Variants in POLB observed in about 807,000 individuals in gnomAD.
POLB encodes 5'-dRP lyase.
A neutral mutation model predicts 52.7 loss-of-function variants in POLB; 37 were observed. The ratio of observed to expected loss-of-function variants is 0.70; its 90% CI spans 0.54 to 0.92. The LOEUF (loss-of-function observed/expected upper bound fraction) is 0.92, where lower values mean the gene tolerates loss of function less well. POLB is among the 40% of genes least tolerant of loss of function. POLB has a pLI of 0.00. For missense variants in POLB, 313 were observed against 400.8 expected (o/e 0.78, Z 1.87); for synonymous variants, 138 against 131.3 (o/e 1.05, Z -0.35).
rs142739021 is a variant in POLB at position 42,352,407 on chromosome 8, A to G, written c.321-112A>G. 2.2e-5 allele frequency: 16 copies of G among 743,924 alleles called. 2 individuals carry two copies. Among genetic ancestry groups the G allele is most frequent in the African/African-American group, 2.1e-4 (12 of 57,822 alleles). 46.1% of individuals were successfully genotyped at this position (743,924 alleles called of 1,614,324 possible). A position where few individuals can be genotyped will look rare whatever the true frequency, so the allele number is the denominator to read the frequency against. On this transcript the variant is annotated intron_variant, in intron 5 of 13. Coordinates refer to ENST00000265421, the MANE Select transcript of POLB (RefSeq NM_002690.3). ...AACATTACCAAAGTAGCCATGCAAC[A>G]TTTTAGCAGGTCTTGTTTAGCTTAA...
At chr8:42,348,011 A>G (rs922620753) in intron 3 of POLB, among the ~76,000 whole-genome samples, 1 of 152,156 alleles carries the variant, frequency 6.6e-6, no homozygotes. Context: ...TAAACAAGAC[A>G]CTATATAGTG....
At chr8:42,359,948 TTTTTTTC>T (rs1046860857) in intron 9 of POLB, among the ~76,000 whole-genome samples, 3 of 151,778 alleles carry the variant, frequency 2.0e-5, no homozygotes, top group African/African-American at 7.3e-5. Flanking sequence ...TCTAGTCTTC[TTTTTTTC>T]TTTTTTTTTT....
chr8:42,340,789 C>G (rs1381827897), intron 2 of POLB, among the ~76,000 whole-genome samples: 3 of 152,178 alleles, frequency 2.0e-5, no homozygotes, highest in Non-Finnish European at 4.4e-5. Flanking sequence ...TGATTGTGCT[C>G]CCTCCTTTCC....
chr8:42,363,071 A>G (rs11990332), intron 11 of POLB, among the ~76,000 whole-genome samples: 41,822 of 151,246 alleles, frequency 0.28, 10,136 homozygotes, highest in African/African-American at 0.66. Context: ...TGCGGTGAGC[A>G]TAGATCGTGC....
At chr8:42,344,561 G>A (rs148842018) in intron 2 of POLB, among the ~76,000 whole-genome samples, 1,698 of 152,084 alleles carry the variant, frequency 0.011, 44 homozygotes, top group African/African-American at 0.039. Flanking sequence ...TAGGCCAGGC[G>A]CAGTGGCTCA....
intron 9 of POLB, among the ~76,000 whole-genome samples, chr8:42,360,660 C>T (rs2130834074): frequency 6.6e-6 from 1 of 151,928 alleles, no homozygotes; most frequent in African/African-American, 2.4e-5. Flanking sequence ...GTTTAAATAG[C>T]TGTATATAAC....
At chr8:42,339,336 G>C in intron 2 of POLB, 1 of 472,708 alleles carries the variant, frequency 2.1e-6, no homozygotes, top group Non-Finnish European at 3.8e-6. Flanking sequence ...TAGAAATGCG[G>C]TGTAATTTTA....
intron 11 of POLB, among the ~76,000 whole-genome samples, chr8:42,363,621 G>GT (rs1327230130): frequency 6.8e-6 from 1 of 147,114 alleles, no homozygotes; most frequent in Middle Eastern, 3.4e-3. Context: ...CACACAGTAA[G>GT]TTTTTCCCTA....
At chr8:42,362,502 T>C in intron 10 of POLB, 110 bp from the exon 11 acceptor site, 1 of 704,358 alleles carries the variant, frequency 1.4e-6, no homozygotes, top group African/African-American at 1.8e-5. Context: ...TAGCACAGTC[T>C]CCAGCCTGTG....
At chr8:42,357,270 C>A in intron 8 of POLB, 47 bp downstream of exon 8, 1 of 1,427,826 alleles carries the variant, frequency 7.0e-7, no homozygotes, top group Non-Finnish European at 9.9e-7. Context: ...GAGAGTGTCA[C>A]TTGGTGAAAA....
intron 2 of POLB, among the ~76,000 whole-genome samples, chr8:42,341,144 T>C (rs1440111443): frequency 6.6e-6 from 1 of 152,266 alleles, no homozygotes; most frequent in African/African-American, 2.4e-5. Context: ...GACATTTCTG[T>C]TGATTGTGGC....
chr8:42,368,925 T>C (rs1363510707), intron 11 of POLB: 1 of 168,706 alleles, frequency 5.9e-6, no homozygotes, highest in Non-Finnish European at 1.3e-5. Flanking sequence ...TGTTTTCTTC[T>C]TCCTGCATAA....
chr8:42,351,486 A>G (rs562501077), intron 5 of POLB, among the ~76,000 whole-genome samples: 42 of 152,320 alleles, frequency 2.8e-4, no homozygotes, highest in African/African-American at 9.1e-4. Flanking sequence ...CTGCTTTATT[A>G]TGCTGTAAAC....
intron 9 of POLB, among the ~76,000 whole-genome samples, chr8:42,358,363 G>A (rs1191380856): frequency 6.6e-6 from 1 of 151,964 alleles, no homozygotes; most frequent in African/African-American, 2.4e-5. Flanking sequence ...TTAGCCAAGC[G>A]TAGTGGTGGG....
intron 2 of POLB, chr8:42,339,696 C>G (rs1208150259): frequency 6.6e-6 from 1 of 152,022 alleles, no homozygotes; most frequent in Non-Finnish European, 1.5e-5. Flanking sequence ...ACTACAGGCG[C>G]ACGCCACCAC....
At chr8:42,367,486 T>C (rs1038388483) in intron 11 of POLB, among the ~76,000 whole-genome samples, 4 of 152,184 alleles carry the variant, frequency 2.6e-5, no homozygotes, top group Non-Finnish European at 5.9e-5. Flanking sequence ...ATGAGCAAGA[T>C]ATCTAATGAA....
At chr8:42,361,457 T>A in intron 10 of POLB, 92 bp downstream of exon 10, 3 of 927,906 alleles carry the variant, frequency 3.2e-6, no homozygotes, top group Non-Finnish European at 5.3e-6. Context: ...AGAATAAGTT[T>A]TGTTTTCGCC....
At chr8:42,363,397 G>A (rs1283087197) in intron 11 of POLB, among the ~76,000 whole-genome samples, 1 of 151,484 alleles carries the variant, frequency 6.6e-6, no homozygotes, top group Non-Finnish European at 1.5e-5. Context: ...GCGTGGTGGT[G>A]TGCGCCTGTA....
intron 13 of POLB, 100 bp downstream of exon 13, chr8:42,370,088 T>G (rs1331455267): frequency 6.8e-6 from 6 of 877,164 alleles, no homozygotes; most frequent in Non-Finnish European, 1.1e-5. Flanking sequence ...ACTATGCCAG[T>G]TAGTGTAGTT....
Sources: gnomAD v4.1 joint callset for allele counts (sites outside exome capture counted in the v4.1 genomes callset) on GRCh38, gnomAD v4.1.1 for gene constraint, MANE v1.5 for transcripts, NCBI Gene and HGNC (gene_info 2026-07-23, HGNC 2026-07-21) for gene names.